Variants in RERE observed in about 807,000 individuals in gnomAD.
The protein encoded by RERE is arginine-glutamic acid dipeptide repeats, also known as arginine-glutamic acid dipeptide repeats protein.
RERE carries 40 observed loss-of-function variants against 146.1 expected under a neutral mutation model. The ratio of observed to expected loss-of-function variants is 0.27; its 90% CI spans 0.21 to 0.36. The LOEUF (loss-of-function observed/expected upper bound fraction) is 0.36, where lower values mean the gene tolerates loss of function less well. Among genes scored for constraint, RERE ranks in the 10% least tolerant of loss-of-function variants. The pLI, the probability that RERE is intolerant of heterozygous loss-of-function variation, is 1.00. For missense variants in RERE, 1,933 were observed against 2,138.7 expected (o/e 0.90, Z 1.90); for synonymous variants, 1,003 against 866.0 (o/e 1.16, Z -2.78).
At chr1:8,384,894 G>A (rs1166573573) in intron 12 of RERE, among the ~76,000 whole-genome samples, 3 of 152,200 alleles carry the variant, frequency 2.0e-5, no homozygotes, top group African/African-American at 7.2e-5. Flanking sequence ...CCAGTCATGG[G>A]CACAGCTCTC....
intron 7 of RERE, among the ~76,000 whole-genome samples, chr1:8,523,848 C>T (rs551379134): frequency 6.6e-6 from 1 of 152,328 alleles, no homozygotes; most frequent in East Asian, 1.9e-4. Context: ...GGAACCTGAT[C>T]CAGAGCTGAT....
Position 8,694,705 on chromosome 1 carries a change from G to A in RERE, c.-144-38264C>T, listed in dbSNP as rs1338314419. On this transcript the variant is annotated intron_variant, in intron 1 of 22. Transcript: ENST00000400908. Reference sequence around the variant, plus strand: ...ACCCGGGAGGCAGAGGTTGAAATGAGCCAAGATCATACCTCTGCATTCACG... The same window carrying A: ...ACCCGGGAGGCAGAGGTTGAAATGAACCAAGATCATACCTCTGCATTCACG... 2.0e-5 allele frequency among the ~76,000 whole-genome samples: 3 copies of A among 151,966 alleles called. No individual in the cohort carries two copies. The East Asian group carries it at 5.8e-4, about 29-fold the overall frequency.
At chr1:8,765,634 C>T (rs373625436) in intron 1 of RERE, among the ~76,000 whole-genome samples, 1 of 152,070 alleles carries the variant, frequency 6.6e-6, no homozygotes, top group African/African-American at 2.4e-5. Flanking sequence ...GCCAGGTCAA[C>T]CTGGTGAAAC....
rs71580039 is a variant in RERE at position 8,683,031 on chromosome 1, CAAAAA to C, written c.-144-26595_-144-26591del. Among the ~76,000 whole-genome samples, 10 of 65,728 alleles carry C rather than the reference CAAAAA, an allele frequency of 1.5e-4. No individual in the cohort carries two copies. In the South Asian group the frequency reaches 2.2e-3, roughly 14 times the overall value. 43.1% of individuals were successfully genotyped at this position (65,728 alleles called of 152,430 possible). The stretch of plus-strand genomic sequence containing the variant: ...ACCAACTCTGCCTCACTGTCTTTAC[CAAAAA>C]AAAAAAAAAAAAAAAAAAAGAATGG... On this transcript the variant is annotated intron_variant, in intron 1 of 22. Coordinates refer to ENST00000400908, the MANE Select transcript of RERE (RefSeq NM_001042681.2).
intron 10 of RERE, among the ~76,000 whole-genome samples, chr1:8,487,439 C>T (rs959383389): frequency 6.6e-6 from 1 of 152,008 alleles, no homozygotes; most frequent in African/African-American, 2.4e-5. Flanking sequence ...ATTAGCTGGG[C>T]ATGATGGTGT....
At chr1:8,367,762 T>A (rs1438249559) in intron 12 of RERE, among the ~76,000 whole-genome samples, 3 of 152,172 alleles carry the variant, frequency 2.0e-5, no homozygotes, top group Non-Finnish European at 4.4e-5. Context: ...GCTACAACTG[T>A]CCCAGCGGGC....
chr1:8,767,569 C>T lies in RERE; in HGVS notation c.-145+49591G>A, dbSNP rs1345709742. On this transcript the variant is annotated intron_variant, in intron 1 of 22. Coordinates refer to ENST00000400908, the MANE Select transcript of RERE (RefSeq NM_001042681.2). The stretch of plus-strand genomic sequence containing the variant: ...GCAGTAAACCAAGATTGCACCACTG[C>T]ACTCCAACCTGGGCTGCAGAGTGAG... Among the ~76,000 whole-genome samples, 6 of 147,554 alleles carry T rather than the reference C, an allele frequency of 4.1e-5. No individual in the cohort carries two copies. The South Asian group carries it at 1.1e-3, about 26-fold the overall frequency.
At chr1:8,573,924 G>A (rs1220535660) in intron 4 of RERE, among the ~76,000 whole-genome samples, 2 of 152,038 alleles carry the variant, frequency 1.3e-5, no homozygotes, top group East Asian at 3.9e-4. Context: ...TCCTACCTCA[G>A]CCTCCTGAGT....
At chr1:8,599,945 A>G in intron 4 of RERE, among the ~76,000 whole-genome samples, 1 of 152,176 alleles carries the variant, frequency 6.6e-6, no homozygotes, top group Admixed American at 6.5e-5. Flanking sequence ...CAGTAACCAT[A>G]TTATATGGTT....
intron 10 of RERE, among the ~76,000 whole-genome samples, chr1:8,490,309 A>T (rs2124215320): frequency 6.8e-6 from 1 of 146,824 alleles, no homozygotes; most frequent in Non-Finnish European, 1.5e-5. Context: ...GTGAGCCGAG[A>T]TCGCACCACT....
intron 12 of RERE, among the ~76,000 whole-genome samples, chr1:8,391,832 C>T (rs1253546809): frequency 1.3e-5 from 2 of 152,074 alleles, no homozygotes; most frequent in Non-Finnish European, 2.9e-5. Context: ...GGTCAGGAGT[C>T]CTACACCAGC....
chr1:8,770,086 G>A (rs571115193), intron 1 of RERE, among the ~76,000 whole-genome samples: 40 of 152,118 alleles, frequency 2.6e-4, no homozygotes, highest in African/African-American at 9.2e-4. Context: ...CACCGCGCCC[G>A]GCCAACACCA....
chr1:8,701,526 G>C (rs1044587487), intron 1 of RERE, among the ~76,000 whole-genome samples: 2 of 152,164 alleles, frequency 1.3e-5, no homozygotes, highest in African/African-American at 4.8e-5. Context: ...AAATCTTAGA[G>C]TGAATGAATG....
In RERE at chr1:8,759,838, T is replaced by TACACACAC. The variant is rs369646175; in HGVS notation, c.-145+57314_-145+57321dup. Among the ~76,000 whole-genome samples, 339 of 142,310 alleles carry TACACACAC rather than the reference T, an allele frequency of 2.4e-3. 1 individual carries two copies. The highest frequency in any genetic ancestry group is 5.8e-3 in the African/African-American group (226 of 38,686). 93.4% of individuals were successfully genotyped at this position (142,310 alleles called of 152,430 possible). A position where few individuals can be genotyped will look rare whatever the true frequency, so the allele number is the denominator to read the frequency against. On this transcript the variant is annotated intron_variant, in intron 1 of 22. Coordinates refer to ENST00000400908, the MANE Select transcript of RERE (RefSeq NM_001042681.2). ...TAACTCTAAATTCTTACTCTCTCTA[T>TACACACAC]ACACACACACACACACACACACACA...
At chr1:8,453,506 C>T (rs1644412792) in intron 11 of RERE, among the ~76,000 whole-genome samples, 1 of 152,144 alleles carries the variant, frequency 6.6e-6, no homozygotes, top group Non-Finnish European at 1.5e-5. Context: ...CAAACCTTTG[C>T]TTATCAAGAT....
intron 12 of RERE, among the ~76,000 whole-genome samples, chr1:8,380,185 G>A (rs949120434): frequency 6.6e-6 from 1 of 152,160 alleles, no homozygotes; most frequent in Non-Finnish European, 1.5e-5. Flanking sequence ...CCTCTCTCGG[G>A]AAGTAATTTT....
At chr1:8,576,280 T>C (rs777822951) in intron 4 of RERE, among the ~76,000 whole-genome samples, 9 of 151,796 alleles carry the variant, frequency 5.9e-5, no homozygotes, top group Non-Finnish European at 1.2e-4. Context: ...GTGGGTTAGA[T>C]AAAAGACTGG....
intron 12 of RERE, among the ~76,000 whole-genome samples, chr1:8,394,898 G>A (rs530276294): frequency 1.3e-5 from 2 of 152,218 alleles, no homozygotes; most frequent in East Asian, 3.9e-4. Context: ...GAGAGAAACT[G>A]TATTACTCAT....
intron 13 of RERE, among the ~76,000 whole-genome samples, chr1:8,365,585 A>AT (rs1479176068): frequency 6.6e-6 from 1 of 152,216 alleles, no homozygotes; most frequent in Non-Finnish European, 1.5e-5. Context: ...TATGAGAAAT[A>AT]TTTAAATGTA....
Sources: allele counts gnomAD v4.1 joint callset (sites outside exome capture counted in the v4.1 genomes callset), GRCh38; gene constraint gnomAD v4.1.1; transcripts MANE v1.5; gene names NCBI Gene and HGNC (gene_info 2026-07-23, HGNC 2026-07-21).